The following EPHA5 variants were observed in gnomAD, a reference collection of about 807,000 sequenced individuals.
EPHA5 encodes the protein EPH receptor A5, also known as ephrin type-A receptor 5.
EPHA5 carries 60 observed loss-of-function variants against 105.0 expected under a neutral mutation model. That is an observed-to-expected ratio of 0.57 (90% CI 0.46 to 0.71). The LOEUF (loss-of-function observed/expected upper bound fraction) is 0.71, where lower values mean the gene tolerates loss of function less well. Ranked by LOEUF, EPHA5 falls within the 30% of genes least tolerant of loss-of-function variation. EPHA5 has a pLI of 0.00. For synonymous variants in EPHA5, 513 were observed against 449.1 expected (o/e 1.14, Z -1.80); for missense variants, 1,218 against 1,274.7 (o/e 0.96, Z 0.68).
intron 8 of EPHA5, among the ~76,000 whole-genome samples, chr4:65,381,753 A>C (rs1302505136): frequency 6.6e-6 from 1 of 151,754 alleles, no homozygotes; most frequent in Admixed American, 6.6e-5. Context: ...TTGGAAGCTG[A>C]TAAGATCATA....
intron 3 of EPHA5, among the ~76,000 whole-genome samples, chr4:65,575,139 T>C (rs2149384890): frequency 6.6e-6 from 1 of 151,922 alleles, no homozygotes; most frequent in East Asian, 1.9e-4. Flanking sequence ...ACAGAAAGAA[T>C]AGACAAACTG....
chr4:65,605,302 T>C (rs1257099989), intron 2 of EPHA5, among the ~76,000 whole-genome samples: 1 of 152,162 alleles, frequency 6.6e-6, no homozygotes, highest in Non-Finnish European at 1.5e-5. Flanking sequence ...CATAACCATA[T>C]GTGTATCATG....
intron 12 of EPHA5, among the ~76,000 whole-genome samples, chr4:65,352,238 C>T: frequency 6.6e-6 from 1 of 152,072 alleles, no homozygotes; most frequent in South Asian, 2.1e-4. Flanking sequence ...TTGGCAGAGT[C>T]TGGCAGTAGG....
At chr4:65,481,823 A>T (rs1455547523) in intron 5 of EPHA5, among the ~76,000 whole-genome samples, 1 of 152,236 alleles carries the variant, frequency 6.6e-6, no homozygotes, top group African/African-American at 2.4e-5. Context: ...TCTAGATTCA[A>T]TGTGCTACTT....
At chr4:65,345,501 A>G (rs1722128026) in intron 14 of EPHA5, among the ~76,000 whole-genome samples, 1 of 152,212 alleles carries the variant, frequency 6.6e-6, no homozygotes, top group Non-Finnish European at 1.5e-5. Flanking sequence ...TAGTGCATCC[A>G]ATAAGAATGT....
chr4:65,419,592 T>C (rs1723745224), intron 6 of EPHA5, among the ~76,000 whole-genome samples: 1 of 152,160 alleles, frequency 6.6e-6, no homozygotes, highest in Admixed American at 6.6e-5. Flanking sequence ...CATCTATCTT[T>C]AGCTCCTCTT....
chr4:65,504,383 G>C (rs201475258), intron 3 of EPHA5, among the ~76,000 whole-genome samples: 2 of 139,040 alleles, frequency 1.4e-5, no homozygotes, highest in Non-Finnish European at 3.2e-5. Context: ...TATATATATA[G>C]ATAGAACAAA....
intron 5 of EPHA5, among the ~76,000 whole-genome samples, chr4:65,453,017 A>G (rs1427928418): frequency 3.9e-5 from 6 of 152,152 alleles, no homozygotes; most frequent in African/African-American, 1.2e-4. Flanking sequence ...CATATAAACA[A>G]TGGTTTTAGT....
At chr4:65,613,198 T>C (rs974679834) in intron 2 of EPHA5, among the ~76,000 whole-genome samples, 10 of 152,230 alleles carry the variant, frequency 6.6e-5, no homozygotes, top group African/African-American at 2.4e-4. Context: ...TCTGTGACTT[T>C]ATTTCTGGGA....
intron 5 of EPHA5, among the ~76,000 whole-genome samples, chr4:65,489,173 G>A (rs138517317): frequency 0.033 from 5,048 of 151,980 alleles, 153 homozygotes; most frequent in Non-Finnish European, 0.046. Flanking sequence ...CTGGGATTAC[G>A]GGCGTGAGCC....
intron 3 of EPHA5, among the ~76,000 whole-genome samples, chr4:65,536,769 G>C (rs1242046501): frequency 6.6e-6 from 1 of 151,186 alleles, no homozygotes; most frequent in South Asian, 2.1e-4. Context: ...AAAATTCACT[G>C]TTCCTAAAAG....
chr4:65,436,523 T>C (rs1015834834), intron 5 of EPHA5, among the ~76,000 whole-genome samples: 1 of 152,020 alleles, frequency 6.6e-6, no homozygotes, highest in African/African-American at 2.4e-5. Flanking sequence ...ATGGAAGTAC[T>C]GATGGAACAA....
intron 5 of EPHA5, among the ~76,000 whole-genome samples, chr4:65,480,451 C>A (rs1401462655): frequency 1.3e-5 from 2 of 152,102 alleles, no homozygotes; most frequent in African/African-American, 2.4e-5. Context: ...CGGGCCCAGG[C>A]AAGATCTTGA....
At chr4:65,516,281 C>T (rs1455331723) in intron 3 of EPHA5, among the ~76,000 whole-genome samples, 1 of 152,008 alleles carries the variant, frequency 6.6e-6, no homozygotes, top group African/African-American at 2.4e-5. Context: ...ATTATATACT[C>T]GATTCTTACA....
At position 65,576,785 on chromosome 4, in the gene EPHA5, T is replaced by C. The variant is rs1417892794; in HGVS notation, c.910+24856A>G. ...CACTTACCATATAACTCTATTCATCTGGGAAATCTCTCACCCTAGACACAT... is the reference window on the plus strand; with the variant it reads ...CACTTACCATATAACTCTATTCATCCGGGAAATCTCTCACCCTAGACACAT... On this transcript the variant is annotated intron_variant, in intron 3 of 16. Transcript: ENST00000613740. 2.0e-5 allele frequency among the ~76,000 whole-genome samples: 3 copies of C among 152,224 alleles called. 1 individual carries two copies. The highest frequency in any genetic ancestry group is 4.4e-5 in the Non-Finnish European group (3 of 68,032).
rs185045603 is a variant in EPHA5 at position 65,425,992 on chromosome 4, G to A, written c.1403-5427C>T. On this transcript the variant is annotated intron_variant, in intron 5 of 16. Coordinates refer to ENST00000613740, the MANE Select transcript of EPHA5 (RefSeq NM_001281766.3). ...TGACAACTTCGTAAAATGTATAACC[G>A]CGTCCACCCTCGTTGAAGACGCCAT... 5.1e-3 allele frequency among the ~76,000 whole-genome samples: 779 copies of A among 152,136 alleles called. 13 individuals are homozygous for A. The highest frequency in any genetic ancestry group is 0.04 in the Admixed American group (605 of 15,256).
At chr4:65,625,849 C>T (rs775725673) in intron 2 of EPHA5, among the ~76,000 whole-genome samples, 2 of 152,126 alleles carry the variant, frequency 1.3e-5, no homozygotes, top group East Asian at 1.9e-4. Flanking sequence ...CGGTGACTCA[C>T]GCTTGTAATC....
chr4:65,615,909 TAAAAGG>T (rs1420489282), intron 2 of EPHA5, among the ~76,000 whole-genome samples: 1 of 151,850 alleles, frequency 6.6e-6, no homozygotes, highest in Non-Finnish European at 1.5e-5. Flanking sequence ...AAATTGCCAT[TAAAAGG>T]AGCAATTTCA....
rs572979077 is a variant in EPHA5 at position 65,592,336 on chromosome 4, C to T, written c.910+9305G>A. ...GGTGAGTGCCAGAGCATATCCTTGG[C>T]GGCCCTGCAAGCTCAGTGGGATGAG... On this transcript the variant is annotated intron_variant, in intron 3 of 16. Coordinates refer to ENST00000613740, the MANE Select transcript of EPHA5 (RefSeq NM_001281766.3). Among the ~76,000 whole-genome samples, 89 of 152,052 alleles carry T rather than the reference C, an allele frequency of 5.9e-4. 1 individual carries two copies. In the South Asian group the frequency reaches 0.014, roughly 24 times the overall value.
Sources: gnomAD v4.1 joint callset for allele counts (sites outside exome capture counted in the v4.1 genomes callset) on GRCh38, gnomAD v4.1.1 for gene constraint, MANE v1.5 for transcripts, NCBI Gene and HGNC (gene_info 2026-07-23, HGNC 2026-07-21) for gene names.